LAMA5: variants seen among roughly 807,000 people sequenced by gnomAD.
LAMA5 encodes laminin subunit alpha 5.
Under a neutral mutation model 433.4 loss-of-function variants are expected in LAMA5, and 260 were observed. The ratio of observed to expected loss-of-function variants is 0.60; its 90% CI spans 0.54 to 0.66. The LOEUF (loss-of-function observed/expected upper bound fraction) is 0.66, where lower values mean the gene tolerates loss of function less well. Among genes scored for constraint, LAMA5 ranks in the 30% least tolerant of loss-of-function variants. The pLI is 0.00. For missense variants in LAMA5, 5,378 were observed against 5,258.5 expected, an observed-to-expected ratio of 1.02 and a Z score of -0.70; for synonymous variants, 2,620 against 2,226.6, an observed-to-expected ratio of 1.18 and a Z score of -4.97.
intron 11 of LAMA5, 63 bp from the exon 12 acceptor site, chr20:62,338,671 G>T: frequency 6.7e-7 from 1 of 1,485,578 alleles, no homozygotes; most frequent in Non-Finnish European, 9.1e-7. Flanking sequence ...CGCCCCTCCT[G>T]GCAAACCTTC....
In LAMA5 at chr20:62,366,942, C is replaced by A; in HGVS notation, c.297+7G>T. 1 of 1,264,294 alleles carries A rather than the reference C, an allele frequency of 7.9e-7. No individual in the cohort carries two copies. Among genetic ancestry groups the A allele is most frequent in the Non-Finnish European group, 9.9e-7 (1 of 1,006,268 alleles). The allele number at this position is 1,264,294 out of a possible 1,614,324, so 78.3% of individuals were successfully genotyped here. A position where few individuals can be genotyped will look rare whatever the true frequency, so the allele number is the denominator to read the frequency against. ...GAGGAAGCCCCACGGCCCGCCCCTG[C>A]GCTCACCCGGATGGTCTGGTTGGGG... On this transcript the variant is annotated splice_region_variant and intron_variant, in intron 1 of 79. Coordinates refer to ENST00000252999, the MANE Select transcript of LAMA5 (RefSeq NM_005560.6).
At chr20:62,321,690 GT>G (rs1453012387) in intron 48 of LAMA5, among the ~76,000 whole-genome samples, 3 of 108,218 alleles carry the variant, frequency 2.8e-5, no homozygotes, top group South Asian at 3.7e-4. Context: ...GAGGGGTGGG[GT>G]CAGTGGGGGA....
intron 53 of LAMA5, 65 bp from the exon 54 acceptor site, chr20:62,317,843 G>A (rs1413521427): frequency 4.4e-6 from 3 of 683,922 alleles, no homozygotes; most frequent in Non-Finnish European, 6.4e-6. Flanking sequence ...ATGTGATGGG[G>A]TGGACAGCAG....
rs1207699472 is a variant in LAMA5, at chr20:62,318,476, T to G, written c.7217A>C (p.Gln2406Pro). The change falls in exon 53 of 80, where the codon CAG becomes CCG. Residue 2406 changes from glutamine to proline, a missense_variant. Gln to Pro is a moderately conservative substitution (Grantham distance 76, BLOSUM62 -1). Transcript: ENST00000252999. Reference sequence around the variant, plus strand: ...CACCAGGGCTTCCTCCAGGCGCTCCTGGTTGCGGCTGTTGAGCTCCTGGGC... The same window carrying G: ...CACCAGGGCTTCCTCCAGGCGCTCCGGGTTGCGGCTGTTGAGCTCCTGGGC... ...REAQELNSRN[Q>P]ERLEEALQRK... 1 of 1,602,006 alleles carries G rather than the reference T, an allele frequency of 6.2e-7. No individual in the cohort carries two copies.
At chr20:62,326,511 A>G in intron 40 of LAMA5, 166 bp downstream of exon 40, 2 of 599,892 alleles carry the variant, frequency 3.3e-6, no homozygotes, top group Non-Finnish European at 5.9e-6. Flanking sequence ...AGCACAGAAG[A>G]TATCTGACAA....
At chr20:62,328,475 C>T (rs1399516144) in intron 34 of LAMA5, 30 bp from the exon 35 acceptor site, 1 of 1,461,670 alleles carries the variant, frequency 6.8e-7, no homozygotes, top group Non-Finnish European at 9.1e-7. Context: ...TTTACTGACC[C>T]CTCTTCCCAG....
intron 1 of LAMA5, among the ~76,000 whole-genome samples, chr20:62,363,741 TAGG>T (rs1184987172): frequency 2.6e-5 from 4 of 151,974 alleles, no homozygotes; most frequent in Admixed American, 6.5e-5. Context: ...GACCTCATCC[TAGG>T]AGGAGGAGGC....
Position 62,313,021 on chromosome 20 carries a change from A to G in LAMA5, c.8956-11T>C, listed in dbSNP as rs1986489828. 10 of 1,585,158 alleles carry G rather than the reference A, an allele frequency of 6.3e-6. No individual in the cohort carries two copies. Among genetic ancestry groups the G allele is most frequent in the Non-Finnish European group, 7.7e-6 (9 of 1,163,404 alleles). ...GCACAGGAACTGGCTCTGCAGAAACAGGGCAGGGTTAGTGTGGGGCAGGGT... is the reference window on the plus strand; with the variant it reads ...GCACAGGAACTGGCTCTGCAGAAACGGGGCAGGGTTAGTGTGGGGCAGGGT... On this transcript the variant is annotated splice_polypyrimidine_tract_variant and intron_variant, in intron 65 of 79. Transcript: ENST00000252999.
Position 62,309,277 on chromosome 20 carries a change from A to T in LAMA5, c.*59T>A. The T allele has an allele frequency of 6.4e-7, 1 of 1,551,668 alleles. No individual in the cohort carries two copies. The highest frequency in any genetic ancestry group is 2.3e-5 in the East Asian group (1 of 44,034). On this transcript the variant is annotated 3_prime_UTR_variant, in exon 80 of 80. Coordinates refer to ENST00000252999, the MANE Select transcript of LAMA5 (RefSeq NM_005560.6). ...CCAAATAGACACCTATGAGGCGAGC[A>T]CAAGGGGCGGTGTGAGGCAGCTGCA...
intron 2 of LAMA5, among the ~76,000 whole-genome samples, chr20:62,353,502 C>A (rs577494322): frequency 1.3e-5 from 2 of 152,208 alleles, no homozygotes; most frequent in Admixed American, 1.3e-4. Context: ...GGGACCAACG[C>A]GCTGCCTCCT....
Position 62,312,381 on chromosome 20 carries a change from C to T in LAMA5, c.9360+19G>A, listed in dbSNP as rs1299978151. 6.3e-6 allele frequency: 10 copies of T among 1,599,330 alleles called. No homozygotes were observed. Among genetic ancestry groups the T allele is most frequent in the Non-Finnish European group, 8.5e-6 (10 of 1,178,976 alleles). ...GCATGTCCACAGATGCCACCCCCAG[C>T]CCGGGGAGGGCTGCTCACCAGCAGG... On this transcript the variant is annotated intron_variant, in intron 68 of 79. Transcript: ENST00000252999.
In LAMA5 at chr20:62,328,985, G is replaced by T; in HGVS notation, c.4306C>A (p.Arg1436Ser). The T allele has an allele frequency of 6.2e-7, 1 of 1,612,544 alleles. No homozygotes were observed. The highest frequency in any genetic ancestry group is 8.5e-7 in the Non-Finnish European group (1 of 1,179,776). The change falls in exon 34 of 80, where the codon CGT becomes AGT. Residue 1436 changes from arginine (R) to serine (S), a missense_variant. Arg to Ser is a moderately radical substitution (Grantham distance 110). Coordinates refer to ENST00000252999, the MANE Select transcript of LAMA5 (RefSeq NM_005560.6). ...SLSLFYNNGA[R>S]PCGCHEVGAT... Reference sequence around the variant, plus strand: ...CCTACTTCGTGGCAGCCACATGGACGGGCTCCGTTGTTATAGAAGAGGGAG... The same window carrying T: ...CCTACTTCGTGGCAGCCACATGGACTGGCTCCGTTGTTATAGAAGAGGGAG...
At position 62,362,425 on chromosome 20, in the gene LAMA5, A is replaced by G; in HGVS notation, c.425T>C (p.Val142Ala). The change falls in exon 2 of 80, where the codon GTC (valine) becomes GCC (alanine). Residue 142 changes from valine to alanine, a missense_variant. Transcript: ENST00000252999. ...CTGGCCCAGGTCCAGGGTGACGTTGACCTCGTTGTACTCCAGGCCGCGGGA... is the reference window on the plus strand; with the variant it reads ...CTGGCCCAGGTCCAGGGTGACGTTGGCCTCGTTGTACTCCAGGCCGCGGGA... The part of the protein sequence containing the change: ...PLSRGLEYNE[V>A]NVTLDLGQVF... 1 of 1,570,318 alleles carries G rather than the reference A, an allele frequency of 6.4e-7. No homozygotes were observed. The highest frequency in any genetic ancestry group is 8.7e-7 in the Non-Finnish European group (1 of 1,153,040).
intron 48 of LAMA5, among the ~76,000 whole-genome samples, chr20:62,321,337 A>G (rs1439069362): frequency 1.3e-4 from 6 of 45,324 alleles, no homozygotes; most frequent in African/African-American, 3.0e-4. Flanking sequence ...GAGGAGGTGC[A>G]GCCAGTGGAA....
In LAMA5 at chr20:62,312,197, G is replaced by A. The variant is rs751931212; in HGVS notation, c.9480C>T (p.Ala3160=). Residue 3160 remains alanine, a synonymous_variant, in exon 69 of 80, where the codon GCC becomes GCT. Transcript: ENST00000252999. The stretch of plus-strand genomic sequence containing the variant: ...CCGGGGACGCCCGGTAGTAGAGCAG[G>A]GCACTGTCCTGGGCGCTGTGGAAGC... ...GFGFHSAQDS[A]LLYYRASPDG... 7.5e-6 allele frequency: 12 copies of A among 1,610,600 alleles called. No individual in the cohort carries two copies. Among genetic ancestry groups the A allele is most frequent in the Admixed American group, 1.7e-5 (1 of 59,562 alleles).
chr20:62,339,240 T>C (rs1161784605), intron 11 of LAMA5, among the ~76,000 whole-genome samples: 4 of 124,426 alleles, frequency 3.2e-5, no homozygotes, highest in African/African-American at 6.5e-5. Context: ...TCTTTTTTTT[T>C]TTTTTTTTTT....
intron 48 of LAMA5, among the ~76,000 whole-genome samples, chr20:62,321,760 T>C (rs115870119): frequency 0.3 from 8,333 of 27,404 alleles, 1,017 homozygotes; most frequent in African/African-American, 0.49. Flanking sequence ...AGGGGTGGGG[T>C]CAGTGGGGGA....
At position 62,317,454 on chromosome 20, in the gene LAMA5, G is replaced by A. The variant is rs1280447059; in HGVS notation, c.7402C>T (p.Leu2468=). ...GAGAAGGTCTGCATCCTCTGCAGCAGTGGGGTCCGAGCCCCATCCAGGCTG... is the reference window on the plus strand; with the variant it reads ...GAGAAGGTCTGCATCCTCTGCAGCAATGGGGTCCGAGCCCCATCCAGGCTG... ...AASLDGARTP[L]LQRMQTFSPA... Residue 2468 remains leucine (L), a synonymous_variant, in exon 55 of 80, where the codon CTG becomes TTG. Transcript: ENST00000252999. 6.3e-7 allele frequency: 1 copy of A among 1,590,378 alleles called. No homozygotes were observed. The highest frequency in any genetic ancestry group is 1.7e-5 in the Admixed American group (1 of 57,480).
rs758700847 is a variant in LAMA5, at chr20:62,313,076, T to C, written c.8955+12A>G. 16 of 1,608,022 alleles carry C rather than the reference T, an allele frequency of 1.0e-5. No individual in the cohort carries two copies. The highest frequency in any genetic ancestry group is 8.8e-5 in the South Asian group (8 of 90,844). On this transcript the variant is annotated intron_variant, in intron 65 of 79. Coordinates refer to ENST00000252999, the MANE Select transcript of LAMA5 (RefSeq NM_005560.6). Reference sequence around the variant, plus strand: ...GCAAGTGGGGATGGCAGGACGGGTGTGCCTGGCGCACCTGCTGCTTCAGGA... The same window carrying C: ...GCAAGTGGGGATGGCAGGACGGGTGCGCCTGGCGCACCTGCTGCTTCAGGA...
Sources: allele counts gnomAD v4.1 joint callset (sites outside exome capture counted in the v4.1 genomes callset), GRCh38; gene constraint gnomAD v4.1.1; transcripts MANE v1.5; gene names NCBI Gene and HGNC (gene_info 2026-07-23, HGNC 2026-07-21).